Variants in RAB38 observed in about 807,000 individuals in gnomAD.
The protein encoded by RAB38 is RAB38, member RAS oncogene family, also known as ras-related protein Rab-38.
Under a neutral mutation model 18.4 loss-of-function variants are expected in RAB38, and 15 were observed. The ratio of observed to expected loss-of-function variants is 0.82; its 90% confidence interval spans 0.55 to 1.26. RAB38 has a LOEUF of 1.26. Among genes scored for constraint, RAB38 ranks in the 50% most tolerant of loss-of-function variants. The probability of loss-of-function intolerance (pLI) is 0.00; values close to 1 mark genes in which losing one functional copy is unlikely to be tolerated. For synonymous variants in RAB38, 101 were observed against 104.4 expected (o/e 0.97, Z 0.20); for missense variants, 294 against 267.4 (o/e 1.10, Z -0.69).
the RAB38 span, among the ~76,000 whole-genome samples, chr11:87,902,997 T>TG: frequency 6.6e-6 from 1 of 151,242 alleles, no homozygotes; most frequent in East Asian, 1.9e-4. Context: ...TACATAATGA[T>TG]GCTGTCCGTG....
chr11:87,929,553 C>CT, the RAB38 span, among the ~76,000 whole-genome samples: 4 of 139,342 alleles, frequency 2.9e-5, no homozygotes, highest in South Asian at 2.7e-4. Context: ...AATTTTGATT[C>CT]TTTTTTTTGG....
At chr11:87,956,448 G>GAT in the RAB38 span, among the ~76,000 whole-genome samples, 5 of 152,206 alleles carry the variant, frequency 3.3e-5, no homozygotes, top group Admixed American at 6.5e-5. Flanking sequence ...CTGCTGCAGA[G>GAT]ATTTGCTTAG....
chr11:88,137,971 G>A (rs572713906), intron 2 of RAB38, among the ~76,000 whole-genome samples: 1 of 152,160 alleles, frequency 6.6e-6, no homozygotes, highest in South Asian at 2.1e-4. Flanking sequence ...TTGTGTGAGG[G>A]TTAGAAAATA....
intron 1 of RAB38, among the ~76,000 whole-genome samples, chr11:88,154,601 A>G (rs1445736927): frequency 1.3e-5 from 2 of 152,194 alleles, no homozygotes; most frequent in East Asian, 3.9e-4. Context: ...CAGCAGCCTG[A>G]GCTGCCCCAC....
chr11:88,028,513 C>T, the RAB38 span, among the ~76,000 whole-genome samples: 3 of 152,066 alleles, frequency 2.0e-5, no homozygotes, highest in African/African-American at 7.2e-5. Flanking sequence ...ACTAGCATAA[C>T]CAATACAGAG....
At chr11:87,947,164 T>G in the RAB38 span, among the ~76,000 whole-genome samples, 1 of 152,208 alleles carries the variant, frequency 6.6e-6, no homozygotes, top group Middle Eastern at 3.2e-3. Context: ...TTTTTTCATG[T>G]GTTTTTTGGC....
At chr11:88,043,602 A>C in the RAB38 span, among the ~76,000 whole-genome samples, 97 of 114,238 alleles carry the variant, frequency 8.5e-4, no homozygotes, top group East Asian at 1.2e-3. Context: ...GCACCTTGTG[A>C]CCCCCCCACC....
At chr11:87,949,773 G>A in the RAB38 span, among the ~76,000 whole-genome samples, 9 of 152,162 alleles carry the variant, frequency 5.9e-5, no homozygotes, top group East Asian at 1.9e-4. Context: ...TATAATTTTT[G>A]TTCTTTTACA....
At chr11:88,010,686 C>T in the RAB38 span, among the ~76,000 whole-genome samples, 1 of 152,052 alleles carries the variant, frequency 6.6e-6, no homozygotes, top group African/African-American at 2.4e-5. Flanking sequence ...CTTTTATATC[C>T]ACTCTCTCAT....
the RAB38 span, among the ~76,000 whole-genome samples, chr11:88,017,545 T>C: frequency 0.01 from 1,571 of 151,586 alleles, 26 homozygotes; most frequent in African/African-American, 0.036. Flanking sequence ...CTATGATTCA[T>C]ATTTTGCTGA....
At chr11:87,808,754 ACAT>A in the RAB38 span, among the ~76,000 whole-genome samples, 1 of 152,178 alleles carries the variant, frequency 6.6e-6, no homozygotes, top group Non-Finnish European at 1.5e-5. Flanking sequence ...TATATTTCAA[ACAT>A]CATGTTTTAC....
At chr11:87,893,390 A>ATATATATTTTTTTTT in the RAB38 span, among the ~76,000 whole-genome samples, 2 of 93,916 alleles carry the variant, frequency 2.1e-5, no homozygotes, top group Admixed American at 1.5e-4. Flanking sequence ...ATATATATAT[A>ATATATATTTTTTTTT]TTTTTTTTTT....
At chr11:87,860,284 A>G in the RAB38 span, among the ~76,000 whole-genome samples, 44 of 152,026 alleles carry the variant, frequency 2.9e-4, no homozygotes, top group Admixed American at 2.9e-3. Flanking sequence ...ATCTAATTGT[A>G]TTGGCTTAGG....
the RAB38 span, among the ~76,000 whole-genome samples, chr11:88,006,054 C>G: frequency 6.6e-6 from 1 of 151,206 alleles, no homozygotes; most frequent in Admixed American, 6.6e-5. Context: ...AGGCTAACAT[C>G]TAAAATATAT....
chr11:88,049,564 C>G, the RAB38 span, among the ~76,000 whole-genome samples: 2 of 152,190 alleles, frequency 1.3e-5, no homozygotes, highest in African/African-American at 4.8e-5. Flanking sequence ...CGCCTGCACC[C>G]AGGTGAAATA....
chr11:87,941,247 G>GAGATATATATATATATATATATA, the RAB38 span, among the ~76,000 whole-genome samples: 1 of 30,874 alleles, frequency 3.2e-5, no homozygotes, highest in African/African-American at 1.4e-4. Flanking sequence ...ATATATATAT[G>GAGATATATATATATATATATATA]TAACTTCTAT....
At chr11:87,913,471 T>C in the RAB38 span, among the ~76,000 whole-genome samples, 1 of 152,134 alleles carries the variant, frequency 6.6e-6, no homozygotes, top group Non-Finnish European at 1.5e-5. Context: ...TCTATATCTT[T>C]GGTAATGTTT....
chr11:88,032,980 A>G, the RAB38 span, among the ~76,000 whole-genome samples: 4 of 152,224 alleles, frequency 2.6e-5, no homozygotes, highest in Admixed American at 2.6e-4. Flanking sequence ...ACCAATCCAA[A>G]TGTCCAACAA....
chr11:88,062,346 C>T, the RAB38 span, among the ~76,000 whole-genome samples: 1 of 152,070 alleles, frequency 6.6e-6, no homozygotes, highest in African/African-American at 2.4e-5. Context: ...TAAGACATGC[C>T]TGCTTCCCCT....
Sources: gnomAD v4.1 joint callset for allele counts (sites outside exome capture counted in the v4.1 genomes callset) on GRCh38, gnomAD v4.1.1 for gene constraint, MANE v1.5 for transcripts, NCBI Gene and HGNC (gene_info 2026-07-23, HGNC 2026-07-21) for gene names.